The following ARHGAP44 variants were observed in gnomAD, a reference collection of about 807,000 sequenced individuals.
ARHGAP44 encodes the protein rho GTPase-activating protein 44.
ARHGAP44 carries 43 observed loss-of-function variants against 106.8 expected under a neutral mutation model. That is an observed-to-expected ratio of 0.40 (90% CI 0.32 to 0.52). The LOEUF is 0.52. ARHGAP44 is among the 20% of genes least tolerant of loss of function. The probability of loss-of-function intolerance (pLI) is 0.48; values close to 1 mark genes in which losing one functional copy is unlikely to be tolerated. For missense variants in ARHGAP44, 866 were observed against 1,050.5 expected, an observed-to-expected ratio of 0.82 and a Z score of 2.43; for synonymous variants, 439 against 410.3, an observed-to-expected ratio of 1.07 and a Z score of -0.85.
chr17:12,856,038 T>C (rs1164634792), intron 1 of ARHGAP44, among the ~76,000 whole-genome samples: 3 of 152,232 alleles, frequency 2.0e-5, no homozygotes, highest in Non-Finnish European at 2.9e-5. Flanking sequence ...TTAGTGATGC[T>C]ACACCCTAAT....
intron 1 of ARHGAP44, among the ~76,000 whole-genome samples, chr17:12,834,827 G>A (rs1395130882): frequency 6.6e-6 from 1 of 151,868 alleles, no homozygotes; most frequent in Non-Finnish European, 1.5e-5. Context: ...TTTTCTTTAT[G>A]ATGCTAGCAT....
intron 16 of ARHGAP44, among the ~76,000 whole-genome samples, chr17:12,971,092 A>G (rs2039517107): frequency 6.6e-6 from 1 of 152,238 alleles, no homozygotes; most frequent in African/African-American, 2.4e-5. Context: ...CAGCTGGGAA[A>G]GTCGTGATTG....
intron 1 of ARHGAP44, among the ~76,000 whole-genome samples, chr17:12,847,143 T>C: frequency 6.6e-6 from 1 of 152,194 alleles, no homozygotes; most frequent in East Asian, 1.9e-4. Context: ...AAAATAATAA[T>C]TAGGCATAGC....
intron 1 of ARHGAP44, among the ~76,000 whole-genome samples, chr17:12,803,434 C>T (rs1385049335): frequency 2.6e-5 from 4 of 152,074 alleles, no homozygotes; most frequent in Admixed American, 6.6e-5. Flanking sequence ...TATCTCTTAC[C>T]TATCCAGTTG....
chr17:12,915,700 G>A (rs2037889660), intron 4 of ARHGAP44, among the ~76,000 whole-genome samples, 200 bp from the exon 5 acceptor site: 1 of 152,164 alleles, frequency 6.6e-6, no homozygotes, highest in Non-Finnish European at 1.5e-5. Flanking sequence ...CACAATGAGT[G>A]GCACCTTTTG....
intron 1 of ARHGAP44, among the ~76,000 whole-genome samples, chr17:12,800,151 C>T (rs2034046120): frequency 6.6e-6 from 1 of 152,180 alleles, no homozygotes; most frequent in African/African-American, 2.4e-5. Flanking sequence ...CTGAAAGTGT[C>T]TTTGACATGA....
chr17:12,833,422 G>A (rs771955624), intron 1 of ARHGAP44, among the ~76,000 whole-genome samples: 6 of 152,054 alleles, frequency 3.9e-5, no homozygotes, highest in Non-Finnish European at 8.8e-5. Context: ...ACTCTTTTCC[G>A]TGTGTTTTGT....
chr17:12,931,190 G>T (rs982744340), intron 7 of ARHGAP44, among the ~76,000 whole-genome samples: 2 of 151,850 alleles, frequency 1.3e-5, no homozygotes, highest in African/African-American at 2.4e-5. Flanking sequence ...TTATGCCTTA[G>T]CCTCCTGAGT....
chr17:12,805,619 G>A (rs1037958223), intron 1 of ARHGAP44, among the ~76,000 whole-genome samples: 1 of 152,176 alleles, frequency 6.6e-6, no homozygotes, highest in Non-Finnish European at 1.5e-5. Flanking sequence ...AGTCATATAT[G>A]CTAAGAGGAG....
intron 4 of ARHGAP44, among the ~76,000 whole-genome samples, chr17:12,912,900 A>G (rs976306212): frequency 2.0e-5 from 3 of 152,194 alleles, no homozygotes; most frequent in Non-Finnish European, 2.9e-5. Flanking sequence ...TTTCTCAGCA[A>G]GCTAAAGCAA....
intron 1 of ARHGAP44, among the ~76,000 whole-genome samples, chr17:12,830,758 G>A (rs1346802007): frequency 1.3e-5 from 2 of 151,626 alleles, no homozygotes; most frequent in Non-Finnish European, 2.9e-5. Context: ...TTTTCCTTTT[G>A]ATAGGGAGCT....
At chr17:12,805,327 C>A (rs1201817332) in intron 1 of ARHGAP44, among the ~76,000 whole-genome samples, 1 of 152,092 alleles carries the variant, frequency 6.6e-6, no homozygotes, top group Admixed American at 6.6e-5. Flanking sequence ...TGACTGGTGT[C>A]CACAGTGCTT....
intron 1 of ARHGAP44, 136 bp from the exon 2 acceptor site, chr17:12,894,804 T>A: frequency 1.3e-6 from 1 of 751,350 alleles, no homozygotes; most frequent in Non-Finnish European, 2.1e-6. Flanking sequence ...TCTAGTTTTC[T>A]CTATTCTCTT....
At chr17:12,840,477 C>G (rs1415913445) in intron 1 of ARHGAP44, among the ~76,000 whole-genome samples, 2 of 152,210 alleles carry the variant, frequency 1.3e-5, no homozygotes, top group Non-Finnish European at 2.9e-5. Context: ...TCTCATCAGT[C>G]TTTTAGTTGC....
chr17:12,911,497 A>G (rs2037737747), intron 4 of ARHGAP44, among the ~76,000 whole-genome samples: 1 of 152,214 alleles, frequency 6.6e-6, no homozygotes, highest in South Asian at 2.1e-4. Context: ...TGTAAATTAC[A>G]TCACGTAATG....
At chr17:12,809,988 A>G (rs2034389737) in intron 1 of ARHGAP44, among the ~76,000 whole-genome samples, 1 of 152,052 alleles carries the variant, frequency 6.6e-6, no homozygotes, top group South Asian at 2.1e-4. Flanking sequence ...GATCTAGGGG[A>G]TGGTGGTGAG....
intron 1 of ARHGAP44, among the ~76,000 whole-genome samples, chr17:12,864,666 T>C (rs573433901): frequency 2.0e-5 from 3 of 152,158 alleles, no homozygotes; most frequent in African/African-American, 4.8e-5. Context: ...CACGAAGTTA[T>C]GAGCACAAAC....
intron 1 of ARHGAP44, among the ~76,000 whole-genome samples, chr17:12,865,038 T>G (rs1210022928): frequency 2.6e-5 from 4 of 151,864 alleles, no homozygotes; most frequent in African/African-American, 7.3e-5. Flanking sequence ...AGAAGAAGAA[T>G]AATAGTTAAA....
At chr17:12,841,078 G>A (rs1306294749) in intron 1 of ARHGAP44, among the ~76,000 whole-genome samples, 1 of 152,144 alleles carries the variant, frequency 6.6e-6, no homozygotes, top group East Asian at 1.9e-4. Flanking sequence ...AGCCCCTCCA[G>A]GTGGAACTCT....
Sources: gnomAD v4.1 joint callset for allele counts (sites outside exome capture counted in the v4.1 genomes callset) on GRCh38, gnomAD v4.1.1 for gene constraint, MANE v1.5 for transcripts, NCBI Gene and HGNC (gene_info 2026-07-23, HGNC 2026-07-21) for gene names.